Variants in CDH13 observed in about 807,000 individuals in gnomAD.
The protein encoded by CDH13 is cadherin 13.
Under a neutral mutation model 63.8 loss-of-function variants are expected in CDH13, and 24 were observed. That is an observed-to-expected ratio of 0.38 (90% CI 0.27 to 0.53). The LOEUF is 0.53. CDH13 is among the 20% of genes least tolerant of loss of function. CDH13 has a pLI of 0.85. For synonymous variants in CDH13, 503 were observed against 355.3 expected, an observed-to-expected ratio of 1.42 and a Z score of -4.67; for missense variants, 1,049 against 903.1, an observed-to-expected ratio of 1.16 and a Z score of -2.07.
chr16:83,146,190 T>C (rs2036740508), intron 4 of CDH13, among the ~76,000 whole-genome samples: 1 of 91,232 alleles, frequency 1.1e-5, no homozygotes, highest in Non-Finnish European at 1.9e-5. Context: ...CAAGACTCTG[T>C]CTCAAAAAAA....
At position 83,352,383 on chromosome 16, in the gene CDH13, A is replaced by G. The variant is rs138371575; in HGVS notation, c.781+7377A>G. Among the ~76,000 whole-genome samples the G allele has an allele frequency of 2.0e-5, 3 of 152,360 alleles. No individual in the cohort carries two copies. In the East Asian group the frequency reaches 5.8e-4, roughly 29 times the overall value. On this transcript the variant is annotated intron_variant, in intron 6 of 13. Transcript: ENST00000567109. Reference sequence around the variant, plus strand: ...ATTGTTAGTGGAAATGTAAACAAATACAACTGTATGGAAAGGAGGATGGAT... The same window carrying G: ...ATTGTTAGTGGAAATGTAAACAAATGCAACTGTATGGAAAGGAGGATGGAT...
At chr16:83,652,814 A>G (rs1432212394) in intron 8 of CDH13, among the ~76,000 whole-genome samples, 1 of 152,184 alleles carries the variant, frequency 6.6e-6, no homozygotes, top group Non-Finnish European at 1.5e-5. Context: ...AACCGAAGAG[A>G]ATGAAGGCAT....
At chr16:83,232,300 A>C (rs1417057925) in intron 5 of CDH13, among the ~76,000 whole-genome samples, 1 of 144,538 alleles carries the variant, frequency 6.9e-6, no homozygotes, top group Non-Finnish European at 1.5e-5. Flanking sequence ...TGAGGCGAGC[A>C]GATCACTTGA....
intron 3 of CDH13, among the ~76,000 whole-genome samples, chr16:83,036,370 G>T (rs1414367521): frequency 6.6e-6 from 1 of 151,856 alleles, no homozygotes; most frequent in Non-Finnish European, 1.5e-5. Flanking sequence ...GGCTGGTGTT[G>T]AATTCCTGAC....
At chr16:83,385,388 T>C (rs1301468015) in intron 6 of CDH13, among the ~76,000 whole-genome samples, 3 of 152,234 alleles carry the variant, frequency 2.0e-5, no homozygotes, top group Non-Finnish European at 4.4e-5. Context: ...AGATTATAAT[T>C]TCTTTCTTTG....
In CDH13 at chr16:83,779,906, G is replaced by A. The variant is rs57930285; in HGVS notation, c.1682-62G>A. 269,911 of 1,063,740 alleles carry A rather than the reference G, an allele frequency of 0.25. 39,728 individuals carry two copies. The highest frequency in any genetic ancestry group is 0.65 in the East Asian group (26,469 of 40,748). 65.9% of individuals were successfully genotyped at this position (1,063,740 alleles called of 1,614,324 possible). ...ATACTAAGTTTACAATGCAAAAAGT[G>A]CTATGGTAAATTGCTCTCGCATATA... is the stretch of plus-strand genomic sequence containing the variant. On this transcript the variant is annotated intron_variant, in intron 11 of 13. Transcript: ENST00000567109.
chr16:82,704,357 TCA>T (rs1411613482), intron 1 of CDH13, among the ~76,000 whole-genome samples: 1 of 152,244 alleles, frequency 6.6e-6, no homozygotes. Context: ...TCTGGCCTGT[TCA>T]CAGTGCTGTT....
At chr16:83,443,720 AAAAAAAAAAAAAAAAAT>A (rs58520799) in intron 6 of CDH13, among the ~76,000 whole-genome samples, 97 of 92,220 alleles carry the variant, frequency 1.1e-3, no homozygotes, top group African/African-American at 4.3e-3. Context: ...AAAAAAAAAA[AAAAAAAAAAAAAAAAAT>A]ATATATATAT....
intron 10 of CDH13, among the ~76,000 whole-genome samples, chr16:83,686,409 G>T (rs1241923128): frequency 2.6e-5 from 4 of 152,064 alleles, no homozygotes; most frequent in Admixed American, 2.6e-4. Context: ...ACTTTCCACG[G>T]GCCTACAAAA....
At chr16:83,090,990 A>G (rs1401212257) in intron 3 of CDH13, among the ~76,000 whole-genome samples, 2 of 152,054 alleles carry the variant, frequency 1.3e-5, no homozygotes, top group Non-Finnish European at 2.9e-5. Context: ...AACATAATAT[A>G]TATGTTTGTT....
At chr16:83,416,481 C>T (rs1457089825) in intron 6 of CDH13, among the ~76,000 whole-genome samples, 3 of 152,182 alleles carry the variant, frequency 2.0e-5, no homozygotes, top group Admixed American at 1.3e-4. Flanking sequence ...CTTATCTCTT[C>T]TTGTGCCTCT....
intron 4 of CDH13, among the ~76,000 whole-genome samples, chr16:83,179,433 C>G (rs1349699066): frequency 7.0e-6 from 1 of 143,806 alleles, no homozygotes; most frequent in Non-Finnish European, 1.5e-5. Context: ...CACCTGAGAT[C>G]AGGAGATGGA....
rs191976993 is a variant in CDH13 at position 83,499,096 on chromosome 16, G to A, written c.960+12441G>A. ...AGATCCAGCAACAAGGGTTTTTGTT[G>A]GATCTTTGTTTAAAGCACCAAATGA... On this transcript the variant is annotated intron_variant, in intron 7 of 13. Coordinates refer to ENST00000567109, the MANE Select transcript of CDH13 (RefSeq NM_001257.5). Among the ~76,000 whole-genome samples the A allele has an allele frequency of 2.1e-3, 319 of 152,224 alleles. 1 individual carries two copies. Among genetic ancestry groups the A allele is most frequent in the Middle Eastern group, 3.4e-3 (1 of 294 alleles).
intron 1 of CDH13, among the ~76,000 whole-genome samples, chr16:82,746,339 G>C (rs745982611): frequency 1.3e-5 from 2 of 148,746 alleles, no homozygotes; most frequent in East Asian, 3.9e-4. Context: ...TACTCAAATA[G>C]AGATGATAGT....
intron 7 of CDH13, among the ~76,000 whole-genome samples, chr16:83,563,801 C>T (rs979120634): frequency 6.6e-5 from 10 of 152,082 alleles, no homozygotes; most frequent in Admixed American, 2.0e-4. Context: ...TCCTCTGCTC[C>T]CTGGCAGAGC....
intron 5 of CDH13, among the ~76,000 whole-genome samples, chr16:83,298,323 C>T (rs571878245): frequency 5.3e-5 from 8 of 151,960 alleles, no homozygotes; most frequent in Admixed American, 1.3e-4. Flanking sequence ...AACATCAGTG[C>T]AGGTAAAATA....
At chr16:83,542,523 G>A (rs1340963018) in intron 7 of CDH13, among the ~76,000 whole-genome samples, 2 of 152,218 alleles carry the variant, frequency 1.3e-5, no homozygotes, top group Non-Finnish European at 2.9e-5. Context: ...TGGTAACAAA[G>A]CATCATAAAC....
At chr16:82,718,560 T>C (rs2151018132) in intron 1 of CDH13, among the ~76,000 whole-genome samples, 1 of 152,254 alleles carries the variant, frequency 6.6e-6, no homozygotes, top group South Asian at 2.1e-4. Context: ...TATTAGTCCA[T>C]TTTCACGCTG....
chr16:82,998,074 C>A (rs753603536), intron 2 of CDH13, among the ~76,000 whole-genome samples: 3 of 152,158 alleles, frequency 2.0e-5, no homozygotes, highest in African/African-American at 4.8e-5. Context: ...GAGTTGGTGA[C>A]CAGCTCAAAT....
Sources: allele counts gnomAD v4.1 joint callset (sites outside exome capture counted in the v4.1 genomes callset), GRCh38; gene constraint gnomAD v4.1.1; transcripts MANE v1.5; gene names NCBI Gene and HGNC (gene_info 2026-07-23, HGNC 2026-07-21).